Variants in FRMD4A observed in about 807,000 individuals in gnomAD.
FRMD4A encodes FERM domain-containing protein 4A.
A neutral mutation model predicts 129.1 loss-of-function variants in FRMD4A; 29 were observed. The observed-to-expected ratio is 0.22, with a 90% CI of 0.17 to 0.31. The LOEUF (loss-of-function observed/expected upper bound fraction) is 0.31. Ranked by LOEUF, FRMD4A falls within the 10% of genes least tolerant of loss-of-function variation. The pLI is 1.00. For synonymous variants in FRMD4A, 634 were observed against 571.6 expected (o/e 1.11, Z -1.56); for missense variants, 1,272 against 1,375.8 (o/e 0.92, Z 1.19).
At chr10:14,060,080 G>A (rs944371064) in intron 2 of FRMD4A, among the ~76,000 whole-genome samples, 13 of 152,172 alleles carry the variant, frequency 8.5e-5, no homozygotes, top group African/African-American at 3.1e-4. Context: ...AGTTTAAGCA[G>A]TAGCTGGCGT....
At chr10:13,669,307 G>A (rs575489878) in intron 17 of FRMD4A, among the ~76,000 whole-genome samples, 13 of 152,222 alleles carry the variant, frequency 8.5e-5, no homozygotes, top group African/African-American at 2.6e-4. Flanking sequence ...AGTGATCTGC[G>A]CACTCTGGCC....
chr10:14,298,462 G>A (rs749322200), intron 2 of FRMD4A, among the ~76,000 whole-genome samples: 37 of 152,164 alleles, frequency 2.4e-4, no homozygotes, highest in Non-Finnish European at 1.8e-4. Context: ...AACCAGGCAG[G>A]ACACCCATGC....
chr10:13,997,551 T>C (rs1309458521), intron 2 of FRMD4A, among the ~76,000 whole-genome samples: 1 of 152,164 alleles, frequency 6.6e-6, no homozygotes, highest in Non-Finnish European at 1.5e-5. Flanking sequence ...GTTCAGGATG[T>C]CTGAGGTGGA....
Position 14,049,254 on chromosome 10 carries a change from A to G in FRMD4A, c.46-190342T>C, listed in dbSNP as rs58594314. Among the ~76,000 whole-genome samples, 257 of 152,326 alleles carry G rather than the reference A, an allele frequency of 1.7e-3. 4 individuals carry two copies. In the East Asian group the frequency reaches 0.036, roughly 21 times the overall value. ...AATAAACAGAGCAATTAAACCGATT[A>G]TAATTACATATGCACAGTGGGGATT... On this transcript the variant is annotated intron_variant, in intron 2 of 24. Coordinates refer to ENST00000357447, the MANE Select transcript of FRMD4A (RefSeq NM_018027.5).
chr10:13,874,027 A>C (rs955831994), intron 2 of FRMD4A, among the ~76,000 whole-genome samples: 12 of 150,300 alleles, frequency 8.0e-5, no homozygotes, highest in Non-Finnish European at 1.3e-4. Flanking sequence ...CAGATGGATC[A>C]CCAGAGGTCA....
chr10:14,090,657 G>C (rs1836608659), intron 2 of FRMD4A, among the ~76,000 whole-genome samples: 1 of 152,138 alleles, frequency 6.6e-6, no homozygotes, highest in Non-Finnish European at 1.5e-5. Flanking sequence ...TGAGGCCTGG[G>C]TACTACTTGT....
chr10:14,328,660 G>A (rs1055136404), intron 2 of FRMD4A, among the ~76,000 whole-genome samples: 6 of 121,710 alleles, frequency 4.9e-5, no homozygotes, highest in Non-Finnish European at 9.6e-5. Flanking sequence ...GTGTGTGTGT[G>A]CATATGTGTG....
At chr10:13,838,085 T>C (rs574048729) in intron 3 of FRMD4A, among the ~76,000 whole-genome samples, 2 of 152,228 alleles carry the variant, frequency 1.3e-5, no homozygotes, top group African/African-American at 2.4e-5. Flanking sequence ...TACAACGTGC[T>C]ATCTCTTTAT....
chr10:14,301,707 A>G (rs1426643101), intron 2 of FRMD4A, among the ~76,000 whole-genome samples: 1 of 152,152 alleles, frequency 6.6e-6, no homozygotes, highest in African/African-American at 2.4e-5. Context: ...TTCTTTTTCT[A>G]TAAGAAAACA....
rs1293535338 is a variant in FRMD4A, at chr10:14,137,694, C to G, written c.45+192364G>C. Among the ~76,000 whole-genome samples the G allele has an allele frequency of 2.0e-5, 3 of 152,236 alleles. No homozygotes were observed. The East Asian group carries it at 5.8e-4, about 29-fold the overall frequency. On this transcript the variant is annotated intron_variant, in intron 2 of 24. Transcript: ENST00000357447. ...GAGTGGATCTCTCTCTTGTTCATAC[C>G]CCGCAACCATCTCTCTTCATTAGCC... is the stretch of plus-strand genomic sequence containing the variant.
chr10:14,279,751 C>G (rs545340637), intron 2 of FRMD4A, among the ~76,000 whole-genome samples: 5 of 152,184 alleles, frequency 3.3e-5, no homozygotes, highest in Non-Finnish European at 7.3e-5. Context: ...TGCATGATCT[C>G]ATTTAAGTCT....
At chr10:13,986,166 C>T (rs1487582188) in intron 2 of FRMD4A, among the ~76,000 whole-genome samples, 3 of 152,142 alleles carry the variant, frequency 2.0e-5, no homozygotes, top group African/African-American at 4.8e-5. Context: ...GCCCTGGCTG[C>T]CCATGGGGGT....
chr10:14,279,484 C>A (rs565726019), intron 2 of FRMD4A, among the ~76,000 whole-genome samples: 1 of 152,246 alleles, frequency 6.6e-6, no homozygotes, highest in African/African-American at 2.4e-5. Flanking sequence ...CAGGCATAAG[C>A]CACCGTGCCC....
At chr10:13,981,849 C>G (rs1306560643) in intron 2 of FRMD4A, among the ~76,000 whole-genome samples, 1 of 151,980 alleles carries the variant, frequency 6.6e-6, no homozygotes, top group Non-Finnish European at 1.5e-5. Context: ...GGGGGTCAAG[C>G]TCCCAGTGGG....
At chr10:13,758,854 A>C (rs1361562025) in intron 8 of FRMD4A, among the ~76,000 whole-genome samples, 1 of 152,186 alleles carries the variant, frequency 6.6e-6, no homozygotes, top group East Asian at 1.9e-4. Context: ...ATCATAAATA[A>C]ATTTATTTAT....
In FRMD4A at chr10:13,762,564, T is replaced by C; in HGVS notation, c.441+60A>G. On this transcript the variant is annotated intron_variant, in intron 7 of 24. Coordinates refer to ENST00000357447, the MANE Select transcript of FRMD4A (RefSeq NM_018027.5). ...AGCTACTGGCTATGCCTGGTAAGTCTTACTTCCTTTCTTCTGTGTATGGCC... is the reference window on the plus strand; with the variant it reads ...AGCTACTGGCTATGCCTGGTAAGTCCTACTTCCTTTCTTCTGTGTATGGCC... 3 of 988,284 alleles carry C rather than the reference T, an allele frequency of 3.0e-6. No individual in the cohort carries two copies. In the East Asian group the frequency reaches 7.1e-5, roughly 24 times the overall value. The allele number at this position is 988,284 out of a possible 1,614,324, so 61.2% of individuals were successfully genotyped here. A position where few individuals can be genotyped will look rare whatever the true frequency, so the allele number is the denominator to read the frequency against.
chr10:13,802,113 G>A (rs2130847644), intron 4 of FRMD4A, among the ~76,000 whole-genome samples: 1 of 151,928 alleles, frequency 6.6e-6, no homozygotes, highest in South Asian at 2.1e-4. Flanking sequence ...TTGGTTTATG[G>A]TTGCAGTAGG....
Position 13,701,428 on chromosome 10 carries a change from G to A in FRMD4A, c.887C>T (p.Thr296Met), listed in dbSNP as rs2086820210. 2 of 1,613,472 alleles carry A rather than the reference G, an allele frequency of 1.2e-6. No individual in the cohort carries two copies. The highest frequency in any genetic ancestry group is 1.7e-6 in the Non-Finnish European group (2 of 1,179,396). The stretch of plus-strand genomic sequence containing the variant: ...GATCAATGCCGGACATGCATACCAC[G>A]TGTGCACTGCAATGCCGCTGTGCCC... ...TFGHSGIAVH[T>M]WYACPALIKS... The change falls in exon 14 of 25, where the codon ACG becomes ATG. Residue 296 changes from threonine (T) to methionine (M), a missense_variant. Around this residue, in one of 2 missense-constraint regions of FRMD4A, gnomAD observed 300 missense variants for 483.6 expected, o/e 0.62. Coordinates refer to ENST00000357447, the MANE Select transcript of FRMD4A (RefSeq NM_018027.5).
At chr10:13,826,009 G>A (rs943918240) in intron 3 of FRMD4A, among the ~76,000 whole-genome samples, 3 of 152,152 alleles carry the variant, frequency 2.0e-5, no homozygotes, top group African/African-American at 7.2e-5. Context: ...GGCCTTCAGG[G>A]CTCTGAAAGC....
Sources: gnomAD v4.1 joint callset for allele counts (sites outside exome capture counted in the v4.1 genomes callset) on GRCh38, gnomAD v4.1.1 for gene constraint, gnomAD v4.1.1 regional missense constraint, MANE v1.5 for transcripts, NCBI Gene and HGNC (gene_info 2026-07-23, HGNC 2026-07-21) for gene names.